The following COL25A1 variants were observed in gnomAD, a reference collection of about 807,000 sequenced individuals.
COL25A1 encodes collagen type XXV alpha 1 chain.
COL25A1 carries 103 observed loss-of-function variants against 128.4 expected under a neutral mutation model. The ratio of observed to expected loss-of-function variants is 0.80; its 90% CI spans 0.68 to 0.94. The LOEUF is 0.94. COL25A1 is among the 40% of genes least tolerant of loss of function. The pLI, the probability that COL25A1 is intolerant of heterozygous loss-of-function variation, is 0.00. For missense variants in COL25A1, 745 were observed against 840.0 expected (o/e 0.89, Z 1.40); for synonymous variants, 279 against 277.2 (o/e 1.01, Z -0.06).
At chr4:109,230,916 G>A (rs190635699) in intron 3 of COL25A1, among the ~76,000 whole-genome samples, 24 of 152,218 alleles carry the variant, frequency 1.6e-4, no homozygotes, top group East Asian at 1.4e-3. Flanking sequence ...TGAGGTGGGC[G>A]AATCATGAGG....
intron 3 of COL25A1, among the ~76,000 whole-genome samples, chr4:109,182,842 T>C (rs1774791904): frequency 6.6e-6 from 1 of 152,082 alleles, no homozygotes. Flanking sequence ...ACTTGCAGCC[T>C]GAGAACTTTT....
intron 32 of COL25A1, among the ~76,000 whole-genome samples, chr4:108,827,770 C>G (rs1732560422): frequency 1.3e-5 from 2 of 152,284 alleles, no homozygotes; most frequent in Admixed American, 1.3e-4. Context: ...ATCCTCCCAC[C>G]TTGGACTCCC....
chr4:109,256,862 G>A (rs1781119666), intron 3 of COL25A1, among the ~76,000 whole-genome samples: 1 of 152,080 alleles, frequency 6.6e-6, no homozygotes, highest in Non-Finnish European at 1.5e-5. Context: ...TATCTTTGAG[G>A]TAACTGGAAT....
Position 108,990,242 on chromosome 4 carries a change from ATATATATATAT to A in COL25A1, c.439-15694_439-15684del, listed in dbSNP as rs1754079366. On this transcript the variant is annotated intron_variant, in intron 6 of 37. Coordinates refer to ENST00000399132, the MANE Select transcript of COL25A1 (RefSeq NM_198721.4). ...AAAAAAAAAAAAAAAAAAAAAAAAT[ATATATATATAT>A]ATATATATATATATATATATCTCAA... 8.0e-4 allele frequency among the ~76,000 whole-genome samples: 16 copies of A among 19,912 alleles called. No homozygotes were observed. In the East Asian group the frequency reaches 0.012, roughly 15 times the overall value. 13.1% of individuals were successfully genotyped at this position (19,912 alleles called of 152,430 possible). A position where few individuals can be genotyped will look rare whatever the true frequency, so the allele number is the denominator to read the frequency against.
At chr4:109,012,864 G>A (rs1442294800) in intron 5 of COL25A1, among the ~76,000 whole-genome samples, 1 of 152,206 alleles carries the variant, frequency 6.6e-6, no homozygotes, top group Non-Finnish European at 1.5e-5. Flanking sequence ...GCAGGCGCGT[G>A]GCATGGAAAT....
At chr4:109,010,249 T>C in intron 6 of COL25A1, 109 bp downstream of exon 6, 8 of 866,166 alleles carry the variant, frequency 9.2e-6, no homozygotes, top group Non-Finnish European at 1.5e-5. Flanking sequence ...TGTGGTGTTG[T>C]GATTATCAGT....
chr4:108,897,933 C>T (rs931000283), intron 15 of COL25A1, among the ~76,000 whole-genome samples: 9 of 152,002 alleles, frequency 5.9e-5, no homozygotes, highest in Non-Finnish European at 1.0e-4. Flanking sequence ...CTCTGATGAA[C>T]GCCTGGTATG....
Position 108,909,411 on chromosome 4 carries a change from CT to C in COL25A1, c.781-8240del, listed in dbSNP as rs376087116. Among the ~76,000 whole-genome samples, 337 of 152,312 alleles carry C rather than the reference CT, an allele frequency of 2.2e-3. 1 individual carries two copies. The highest frequency in any genetic ancestry group is 7.4e-3 in the African/African-American group (309 of 41,570). ...GTAATTTGCTGAAATGGGTCTTAAA[CT>C]GTTTAATAACTAAATTTAACCTGGT... On this transcript the variant is annotated intron_variant, in intron 13 of 37. Transcript: ENST00000399132.
intron 6 of COL25A1, among the ~76,000 whole-genome samples, chr4:108,980,551 C>T (rs747964177): frequency 6.6e-6 from 1 of 152,182 alleles, no homozygotes. Flanking sequence ...GTGTTGGCAG[C>T]GTCGGCTGGC....
chr4:109,287,873 G>A (rs1724036034), intron 3 of COL25A1, among the ~76,000 whole-genome samples: 1 of 152,154 alleles, frequency 6.6e-6, no homozygotes, highest in Non-Finnish European at 1.5e-5. Flanking sequence ...AAGAGGTAAA[G>A]CAAGATCAAA....
At chr4:109,227,139 G>A (rs1778860173) in intron 3 of COL25A1, among the ~76,000 whole-genome samples, 1 of 152,108 alleles carries the variant, frequency 6.6e-6, no homozygotes, top group South Asian at 2.1e-4. Context: ...AAATGCAGAT[G>A]TACAAAAAGG....
chr4:109,200,648 C>T (rs555742140), intron 3 of COL25A1, among the ~76,000 whole-genome samples: 11 of 152,194 alleles, frequency 7.2e-5, no homozygotes, highest in South Asian at 2.1e-4. Context: ...GATGCGGTTT[C>T]GCCAGGTTGG....
At chr4:109,195,680 C>G (rs1775981922) in intron 3 of COL25A1, among the ~76,000 whole-genome samples, 1 of 152,128 alleles carries the variant, frequency 6.6e-6, no homozygotes, top group South Asian at 2.1e-4. Flanking sequence ...CTTTCCCAGA[C>G]TGTCATATTG....
intron 3 of COL25A1, among the ~76,000 whole-genome samples, chr4:109,091,577 T>C (rs1232854241): frequency 2.0e-5 from 3 of 152,174 alleles, no homozygotes; most frequent in Non-Finnish European, 2.9e-5. Flanking sequence ...ACCTAACACA[T>C]AGTTCACCAT....
intron 5 of COL25A1, among the ~76,000 whole-genome samples, chr4:109,033,883 TAATA>T (rs1303234226): frequency 1.3e-5 from 2 of 152,132 alleles, no homozygotes; most frequent in Non-Finnish European, 1.5e-5. Context: ...AAATCAAAGT[TAATA>T]AATAATGGTG....
intron 3 of COL25A1, among the ~76,000 whole-genome samples, chr4:109,245,131 T>C (rs1429931364): frequency 1.3e-5 from 2 of 152,166 alleles, no homozygotes; most frequent in Admixed American, 6.5e-5. Flanking sequence ...TAGACCTAGA[T>C]ACCTTGAGAG....
chr4:109,026,775 G>C (rs539425432), intron 5 of COL25A1, among the ~76,000 whole-genome samples: 8 of 152,314 alleles, frequency 5.3e-5, no homozygotes, highest in African/African-American at 1.7e-4. Context: ...AAACGGACAG[G>C]ACATAGAGAA....
At chr4:109,292,168 G>A (rs1389109920) in intron 3 of COL25A1, among the ~76,000 whole-genome samples, 2 of 151,358 alleles carry the variant, frequency 1.3e-5, no homozygotes, top group African/African-American at 4.9e-5. Context: ...AAGAAAGCAT[G>A]GAGGCTATTG....
intron 13 of COL25A1, 77 bp from the exon 14 acceptor site, chr4:108,901,249 C>T: frequency 1.0e-6 from 1 of 977,716 alleles, no homozygotes; most frequent in Non-Finnish European, 1.6e-6. Flanking sequence ...GAGGAGACAG[C>T]CATCTAATAA....
Sources: gnomAD v4.1 joint callset for allele counts (sites outside exome capture counted in the v4.1 genomes callset) on GRCh38, gnomAD v4.1.1 for gene constraint, MANE v1.5 for transcripts, NCBI Gene and HGNC (gene_info 2026-07-23, HGNC 2026-07-21) for gene names.